Variants in SMARCB1 observed in about 807,000 individuals in gnomAD.
SMARCB1 encodes the protein SWI/SNF-related matrix-associated actin-dependent regulator of chromatin subfamily B member 1.
In SMARCB1, 5 loss-of-function variants were observed where a neutral mutation model predicts 49.0. The ratio of observed to expected loss-of-function variants is 0.10; its 90% CI spans 0.05 to 0.21. SMARCB1 has a LOEUF of 0.21. SMARCB1 is among the 10% of genes least tolerant of loss of function. The pLI is 1.00. For missense variants in SMARCB1, 226 were observed against 509.2 expected (o/e 0.44, Z 5.35); for synonymous variants, 201 against 200.1 (o/e 1.00, Z -0.04).
At chr22:23,831,838 C>T (rs547627800) in intron 7 of SMARCB1, among the ~76,000 whole-genome samples, 141 of 152,302 alleles carry the variant, frequency 9.3e-4, no homozygotes, top group Middle Eastern at 3.4e-3. Flanking sequence ...CCCTAGACTG[C>T]TAAACCACCC....
rs1292516444 is a variant in SMARCB1, at chr22:23,833,737, A to G, written c.1118+34A>G. 8 of 1,613,060 alleles carry G rather than the reference A, an allele frequency of 5.0e-6. No homozygotes were observed. In the Admixed American group the frequency reaches 8.3e-5, roughly 17 times the overall value. ...GGCCCTGTGGTCCTGGGCTCTGCCC[A>G]CAGGCACCTGGCTTTCCAGGCAGAG... On this transcript the variant is annotated intron_variant, in intron 8 of 8. Transcript: ENST00000644036.
chr22:23,818,892 G>A (rs1234334156), intron 6 of SMARCB1, among the ~76,000 whole-genome samples: 1 of 152,136 alleles, frequency 6.6e-6, no homozygotes, highest in African/African-American at 2.4e-5. Context: ...CCAGGCTGGA[G>A]TGCAGTGGCG....
In SMARCB1 at chr22:23,834,209, A is replaced by C; in HGVS notation, c.*29A>C. 5 of 1,571,098 alleles carry C rather than the reference A, an allele frequency of 3.2e-6. No individual in the cohort carries two copies. Among genetic ancestry groups the C allele is most frequent in the Non-Finnish European group, 4.3e-6 (5 of 1,158,012 alleles). Reference sequence around the variant, plus strand: ...GCCCATCAGCACACGGCTCCCACGGAGCATCTCAGAAGATTGGGCCGCCTC... The same window carrying C: ...GCCCATCAGCACACGGCTCCCACGGCGCATCTCAGAAGATTGGGCCGCCTC... On this transcript the variant is annotated 3_prime_UTR_variant, in exon 9 of 9. Coordinates refer to ENST00000644036, the MANE Select transcript of SMARCB1 (RefSeq NM_003073.5).
intron 7 of SMARCB1, 97 bp downstream of exon 7, chr22:23,825,512 T>C: frequency 9.1e-7 from 1 of 1,096,066 alleles, no homozygotes; most frequent in Non-Finnish European, 1.3e-6. Flanking sequence ...TGAGGCTTTC[T>C]CACGCTTCGC....
Position 23,833,713 on chromosome 22 carries a change from G to GC in SMARCB1, c.1118+13dup. On this transcript the variant is annotated intron_variant, in intron 8 of 8. Transcript: ENST00000644036. ...AGGACAGGAACACGAGGTACCCCTG[G>GC]CCCTGTGGTCCTGGGCTCTGCCCAC... 1 of 1,613,908 alleles carries GC rather than the reference G, an allele frequency of 6.2e-7. No individual in the cohort carries two copies. The highest frequency in any genetic ancestry group is 8.5e-7 in the Non-Finnish European group (1 of 1,180,014).
intron 2 of SMARCB1, chr22:23,793,286 G>C: frequency 1.9e-6 from 1 of 518,944 alleles, no homozygotes; most frequent in Non-Finnish European, 3.5e-6. Context: ...TGCTGGTGCT[G>C]CCCTGAGCAC....
rs767791254 is a variant in SMARCB1 at position 23,793,636 on chromosome 22, G to A, written c.310G>A (p.Asp104Asn). The change falls in exon 3 of 9, where the codon GAT (aspartate) becomes AAT (asparagine). Residue 104 changes from aspartate (D) to asparagine (N), a missense_variant. Physicochemically the swap from Asp to Asn is conservative, Grantham distance 23. Around this residue, in one of 6 missense-constraint regions of SMARCB1, gnomAD observed 128 missense variants for 263.9 expected, o/e 0.49. Coordinates refer to ENST00000644036, the MANE Select transcript of SMARCB1 (RefSeq NM_003073.5). ...SEVEEILDGN[D>N]EKYKAVSIST... ...AGTGGAAGAGATTCTGGATGGCAACGATGAGAAGTACAAGGCTGTGTCCAT... is the reference window on the plus strand; with the variant it reads ...AGTGGAAGAGATTCTGGATGGCAACAATGAGAAGTACAAGGCTGTGTCCAT... 6.2e-7 allele frequency: 1 copy of A among 1,614,122 alleles called. No homozygotes were observed. Among genetic ancestry groups the A allele is most frequent in the Non-Finnish European group, 8.5e-7 (1 of 1,179,984 alleles).
chr22:23,794,315 T>C (rs961367990), intron 3 of SMARCB1, among the ~76,000 whole-genome samples: 10 of 152,240 alleles, frequency 6.6e-5, no homozygotes, highest in African/African-American at 2.4e-4. Context: ...GTTTCTAAGT[T>C]TCTTCTATAT....
chr22:23,793,948 G>GT (rs1176010995), intron 3 of SMARCB1, among the ~76,000 whole-genome samples: 4 of 151,128 alleles, frequency 2.6e-5, no homozygotes, highest in East Asian at 1.9e-4. Flanking sequence ...TACCTGGCTA[G>GT]TTTTTTTTTC....
At chr22:23,830,425 C>T (rs1349403830) in intron 7 of SMARCB1, among the ~76,000 whole-genome samples, 1 of 152,078 alleles carries the variant, frequency 6.6e-6, no homozygotes, top group Admixed American at 6.6e-5. Context: ...GTATTTCTGG[C>T]TGTTTGTGTA....
chr22:23,797,609 C>CTTTTTTTTTTT (rs71184910), intron 3 of SMARCB1, among the ~76,000 whole-genome samples: 1 of 36,292 alleles, frequency 2.8e-5, no homozygotes, highest in African/African-American at 1.4e-4. Flanking sequence ...TGCGCCTGGC[C>CTTTTTTTTTTT]TTTTTTTTTT....
intron 3 of SMARCB1, among the ~76,000 whole-genome samples, chr22:23,797,347 C>T (rs145364644): frequency 0.017 from 2,504 of 149,298 alleles, 56 homozygotes; most frequent in South Asian, 0.1. Flanking sequence ...TTCGCTCTGT[C>T]GCCCAGGCTG....
chr22:23,789,266 C>T (rs1420877511), intron 1 of SMARCB1, among the ~76,000 whole-genome samples: 1 of 152,240 alleles, frequency 6.6e-6, no homozygotes, highest in African/African-American at 2.4e-5. Flanking sequence ...GCCTGTCCAT[C>T]TGCCACAGTT....
chr22:23,814,661 G>C (rs538869830), intron 5 of SMARCB1, among the ~76,000 whole-genome samples: 3 of 150,104 alleles, frequency 2.0e-5, no homozygotes, highest in Non-Finnish European at 4.4e-5. Flanking sequence ...GTGAAACTCT[G>C]TCCCAAAAAA....
chr22:23,817,152 G>A, intron 6 of SMARCB1: 1 of 604,542 alleles, frequency 1.7e-6, no homozygotes, highest in Non-Finnish European at 3.0e-6. Context: ...ACACATTCAG[G>A]GGGTGTCTCT....
intron 5 of SMARCB1, among the ~76,000 whole-genome samples, chr22:23,805,011 A>G (rs1938825386): frequency 6.6e-6 from 1 of 152,120 alleles, no homozygotes; most frequent in South Asian, 2.1e-4. Context: ...GTGGTTGTTG[A>G]TATGTGGCTG....
At chr22:23,803,013 T>G (rs1395214492) in intron 4 of SMARCB1, 2 of 520,730 alleles carry the variant, frequency 3.8e-6, no homozygotes, top group Non-Finnish European at 3.5e-6. Context: ...ATTTCAGGCT[T>G]AAATATCCCT....
intron 3 of SMARCB1, among the ~76,000 whole-genome samples, chr22:23,798,122 G>C (rs1374028684): frequency 2.0e-5 from 3 of 152,190 alleles, no homozygotes; most frequent in Admixed American, 2.0e-4. Flanking sequence ...GAAAAGAGGA[G>C]GTGGTCAAGA....
intron 6 of SMARCB1, among the ~76,000 whole-genome samples, chr22:23,820,689 G>A (rs1445136410): frequency 7.1e-6 from 1 of 141,712 alleles, no homozygotes; most frequent in Non-Finnish European, 1.6e-5. Flanking sequence ...ACCTTTTTGA[G>A]AGGAATACAA....
Sources: gnomAD v4.1 joint callset for allele counts (sites outside exome capture counted in the v4.1 genomes callset) on GRCh38, gnomAD v4.1.1 for gene constraint, gnomAD v4.1.1 regional missense constraint, MANE v1.5 for transcripts, NCBI Gene and HGNC (gene_info 2026-07-23, HGNC 2026-07-21) for gene names.